Variants in MOB1B observed in about 807,000 individuals in gnomAD.
The protein encoded by MOB1B is MOB1 Mps One Binder homolog B.
MOB1B carries 19 observed loss-of-function variants against 24.4 expected under a neutral mutation model. The ratio of observed to expected loss-of-function variants is 0.78; its 90% CI spans 0.54 to 1.14. The LOEUF (loss-of-function observed/expected upper bound fraction) is 1.14. Among genes scored for constraint, MOB1B ranks in the 50% most tolerant of loss-of-function variants. MOB1B has a pLI of 0.00. For synonymous variants in MOB1B, 76 were observed against 82.1 expected (o/e 0.93, Z 0.40); for missense variants, 243 against 259.6 (o/e 0.94, Z 0.44).
intron 1 of MOB1B, among the ~76,000 whole-genome samples, chr4:70,913,107 AC>A (rs1284565943): frequency 1.4e-4 from 21 of 151,866 alleles, no homozygotes; most frequent in African/African-American, 4.8e-4. Flanking sequence ...GACTTTTATG[AC>A]CTTTACATTT....
intron 1 of MOB1B, among the ~76,000 whole-genome samples, chr4:70,948,438 T>C (rs1308971128): frequency 1.3e-5 from 2 of 152,220 alleles, no homozygotes; most frequent in Non-Finnish European, 2.9e-5. Context: ...ACCAGAATTC[T>C]TTAATTTTTC....
chr4:70,976,053 C>G (rs1192561376), intron 4 of MOB1B: 2 of 277,364 alleles, frequency 7.2e-6, no homozygotes, highest in African/African-American at 4.6e-5. Flanking sequence ...ACGCGTGCCA[C>G]CACGCCCAGC....
chr4:70,967,179 G>C (rs1453143337), intron 2 of MOB1B, among the ~76,000 whole-genome samples: 1 of 151,482 alleles, frequency 6.6e-6, no homozygotes, highest in African/African-American at 2.4e-5. Flanking sequence ...TGTCACCCAG[G>C]CTGGAGTGCA....
chr4:70,930,586 CA>C lies in MOB1B; in HGVS notation c.14+28038del, dbSNP rs370391123. On this transcript the variant is annotated intron_variant, in intron 1 of 5. Coordinates refer to ENST00000309395, the MANE Select transcript of MOB1B (RefSeq NM_173468.4). ...ATTAAGAGTAATTTATATGTTACAA[CA>C]ACTCAGAACACTCTACCTTTTTTTA... is the stretch of plus-strand genomic sequence containing the variant. Among the ~76,000 whole-genome samples the C allele has an allele frequency of 6.8e-3, 1,042 of 152,268 alleles. 14 individuals carry two copies. Among genetic ancestry groups the C allele is most frequent in the African/African-American group, 0.022 (907 of 41,552 alleles).
intron 1 of MOB1B, among the ~76,000 whole-genome samples, chr4:70,925,554 A>G (rs1344979748): frequency 2.0e-5 from 3 of 152,222 alleles, no homozygotes; most frequent in Non-Finnish European, 4.4e-5. Flanking sequence ...GTGTCTCTAC[A>G]TAACCATAAT....
At chr4:70,918,769 G>T (rs1736300260) in intron 1 of MOB1B, among the ~76,000 whole-genome samples, 1 of 152,092 alleles carries the variant, frequency 6.6e-6, no homozygotes, top group African/African-American at 2.4e-5. Flanking sequence ...CCTTGCCCAT[G>T]CCTGTGTCCT....
chr4:70,978,634 C>T (rs1739091314), intron 4 of MOB1B, among the ~76,000 whole-genome samples: 2 of 152,082 alleles, frequency 1.3e-5, no homozygotes, highest in Admixed American at 1.3e-4. Context: ...ATTTACAAAT[C>T]GATGGAATAG....
chr4:70,913,997 C>T (rs538963708), intron 1 of MOB1B, among the ~76,000 whole-genome samples: 1 of 151,446 alleles, frequency 6.6e-6, no homozygotes, highest in South Asian at 2.1e-4. Flanking sequence ...AAGTGATCAC[C>T]AAGGTGATGG....
chr4:70,954,517 G>A (rs1468644991), intron 1 of MOB1B, among the ~76,000 whole-genome samples: 3 of 151,888 alleles, frequency 2.0e-5, no homozygotes, highest in African/African-American at 4.8e-5. Context: ...GTGCAGTGGC[G>A]CAATCTCGGC....
At chr4:70,918,965 A>G (rs1172561874) in intron 1 of MOB1B, among the ~76,000 whole-genome samples, 8 of 152,206 alleles carry the variant, frequency 5.3e-5, no homozygotes, top group South Asian at 2.1e-4. Context: ...ACACCATGGA[A>G]TACTATGCAG....
intron 1 of MOB1B, among the ~76,000 whole-genome samples, chr4:70,916,574 CT>C (rs945920726): frequency 2.2e-4 from 33 of 147,772 alleles, no homozygotes; most frequent in Non-Finnish European, 2.3e-4. Flanking sequence ...CACTGAATAT[CT>C]TTTTTTTTTT....
intron 1 of MOB1B, among the ~76,000 whole-genome samples, chr4:70,931,952 A>C (rs1736906332): frequency 6.6e-6 from 1 of 152,136 alleles, no homozygotes; most frequent in African/African-American, 2.4e-5. Flanking sequence ...TTAGTCTCGA[A>C]GTCCTGGGCT....
intron 1 of MOB1B, among the ~76,000 whole-genome samples, chr4:70,949,903 T>C (rs1218582880): frequency 2.6e-5 from 4 of 151,780 alleles, no homozygotes; most frequent in Non-Finnish European, 5.9e-5. Flanking sequence ...GAGTGAACCC[T>C]GTCTTCAAAA....
Position 70,986,499 on chromosome 4 carries a change from A to G in MOB1B, c.*4442A>G, listed in dbSNP as rs1252628532. The G allele has an allele frequency of 1.3e-5, 2 of 152,264 alleles. No homozygotes were observed. Among genetic ancestry groups the G allele is most frequent in the South Asian group, 2.1e-4 (1 of 4,824 alleles). 9.4% of individuals were successfully genotyped at this position (152,264 alleles called of 1,614,324 possible). A position where few individuals can be genotyped will look rare whatever the true frequency, so the allele number is the denominator to read the frequency against. On this transcript the variant is annotated 3_prime_UTR_variant, in exon 6 of 6. Transcript: ENST00000309395. The stretch of plus-strand genomic sequence containing the variant: ...ATTTATAATTTGGAAATGTGACTGC[A>G]TACCAATAAGAAAACTTACCTTATT...
intron 2 of MOB1B, among the ~76,000 whole-genome samples, chr4:70,963,126 G>A (rs375673516): frequency 6.6e-6 from 1 of 152,212 alleles, no homozygotes; most frequent in East Asian, 1.9e-4. Context: ...TAAAGGACCT[G>A]TATCCAAAAT....
chr4:70,909,242 A>G (rs192659968), intron 1 of MOB1B, among the ~76,000 whole-genome samples: 5 of 151,958 alleles, frequency 3.3e-5, no homozygotes, highest in African/African-American at 1.2e-4. Flanking sequence ...TCTGTCCCTC[A>G]CTTCCCCCCA....
At chr4:70,922,946 A>G (rs914842043) in intron 1 of MOB1B, among the ~76,000 whole-genome samples, 10 of 152,266 alleles carry the variant, frequency 6.6e-5, no homozygotes, top group East Asian at 5.8e-4. Flanking sequence ...CTTTGCCCCA[A>G]TAGATAATCC....
rs1405936836 is a variant in MOB1B, at chr4:70,987,565, A to G, written c.*5508A>G. On this transcript the variant is annotated 3_prime_UTR_variant, in exon 6 of 6. Coordinates refer to ENST00000309395, the MANE Select transcript of MOB1B (RefSeq NM_173468.4). Reference sequence around the variant, plus strand: ...GCATAACCAGGGTGGTGAGGGCACTAATCTTGTAGGAAACACTTACTTGAT... The same window carrying G: ...GCATAACCAGGGTGGTGAGGGCACTGATCTTGTAGGAAACACTTACTTGAT... The G allele has an allele frequency of 6.6e-6, 1 of 152,138 alleles. No individual in the cohort carries two copies. The highest frequency in any genetic ancestry group is 1.5e-5 in the Non-Finnish European group (1 of 67,990). The allele number at this position is 152,138 out of a possible 1,614,324, so 9.4% of individuals were successfully genotyped here.
intron 1 of MOB1B, among the ~76,000 whole-genome samples, chr4:70,953,577 C>T (rs764029469): frequency 4.6e-5 from 7 of 152,148 alleles, no homozygotes; most frequent in Non-Finnish European, 7.4e-5. Flanking sequence ...AGTCATTTTC[C>T]GGACTCTCAA....
Sources: gnomAD v4.1 joint callset for allele counts (sites outside exome capture counted in the v4.1 genomes callset) on GRCh38, gnomAD v4.1.1 for gene constraint, MANE v1.5 for transcripts, NCBI Gene and HGNC (gene_info 2026-07-23, HGNC 2026-07-21) for gene names.